GSE1: variants seen among roughly 807,000 people sequenced by gnomAD.
GSE1 encodes the protein genetic suppressor element 1.
A neutral mutation model predicts 112.6 loss-of-function variants in GSE1; 32 were observed. That is an observed-to-expected ratio of 0.28 (90% confidence interval 0.21 to 0.38). The LOEUF (loss-of-function observed/expected upper bound fraction) is 0.38. Ranked by LOEUF, GSE1 falls within the 10% of genes least tolerant of loss-of-function variation. The pLI, the probability that GSE1 is intolerant of heterozygous loss-of-function variation, is 1.00. For synonymous variants in GSE1, 1,115 were observed against 735.6 expected (o/e 1.52, Z -8.35); for missense variants, 2,348 against 1,699.2 (o/e 1.38, Z -6.71).
chr16:85,483,212 C>T (rs571209107), intron 2 of GSE1, among the ~76,000 whole-genome samples: 3 of 152,340 alleles, frequency 2.0e-5, no homozygotes, highest in African/African-American at 7.2e-5. Context: ...TACATGCAAA[C>T]ATTCTGAAAC....
At chr16:85,560,050 C>A (rs1055233285) in intron 1 of GSE1, among the ~76,000 whole-genome samples, 1 of 149,890 alleles carries the variant, frequency 6.7e-6, no homozygotes, top group Non-Finnish European at 1.5e-5. Context: ...AATAATAATT[C>A]TTATTTTGTC....
intron 1 of GSE1, among the ~76,000 whole-genome samples, chr16:85,308,301 G>A (rs1019290367): frequency 1.3e-5 from 2 of 151,980 alleles, no homozygotes; most frequent in Admixed American, 6.6e-5. Flanking sequence ...TGTGGACACC[G>A]AGTCCAGCCT....
chr16:85,658,288 C>A (rs1567742473), intron 8 of GSE1, among the ~76,000 whole-genome samples: 1 of 152,182 alleles, frequency 6.6e-6, no homozygotes, highest in African/African-American at 2.4e-5. Context: ...AGCTAAGATC[C>A]TCAGCCAGAG....
intron 2 of GSE1, among the ~76,000 whole-genome samples, chr16:85,365,675 G>A (rs1485014386): frequency 6.6e-6 from 1 of 152,176 alleles, no homozygotes; most frequent in Non-Finnish European, 1.5e-5. Context: ...TGTAGAAGGC[G>A]AAGGTTTGTA....
At chr16:85,654,627 G>T (rs975460332) in intron 4 of GSE1, among the ~76,000 whole-genome samples, 167 bp from the exon 5 acceptor site, 2 of 152,142 alleles carry the variant, frequency 1.3e-5, no homozygotes, top group South Asian at 4.1e-4. Flanking sequence ...TGAGGTGGCA[G>T]TGGCAGCTCG....
intron 1 of GSE1, among the ~76,000 whole-genome samples, chr16:85,621,282 C>A (rs1219261089): frequency 6.6e-6 from 1 of 152,216 alleles, no homozygotes; most frequent in East Asian, 1.9e-4. Flanking sequence ...TTGGGGAACC[C>A]GTTTAGATGG....
intron 2 of GSE1, among the ~76,000 whole-genome samples, chr16:85,421,500 G>C (rs976292261): frequency 1.3e-5 from 2 of 152,236 alleles, no homozygotes; most frequent in Non-Finnish European, 2.9e-5. Context: ...GCCCAAGCTG[G>C]GTCTCAAACA....
At chr16:85,536,536 C>T (rs889801681) in intron 2 of GSE1, among the ~76,000 whole-genome samples, 2 of 152,210 alleles carry the variant, frequency 1.3e-5, no homozygotes, top group African/African-American at 2.4e-5. Flanking sequence ...TCACACCTCA[C>T]GGATAACGGA....
At chr16:85,501,365 G>A (rs1298798494) in intron 2 of GSE1, among the ~76,000 whole-genome samples, 6 of 149,842 alleles carry the variant, frequency 4.0e-5, no homozygotes, top group Non-Finnish European at 7.4e-5. Context: ...TCACATACAC[G>A]GTTCTGGGAT....
chr16:85,550,861 G>A (rs1013711711), intron 2 of GSE1, among the ~76,000 whole-genome samples: 3 of 152,206 alleles, frequency 2.0e-5, no homozygotes, highest in Non-Finnish European at 4.4e-5. Flanking sequence ...GGGATCCGGC[G>A]GGCCGCATGC....
chr16:85,521,793 A>C (rs979536098), intron 2 of GSE1, among the ~76,000 whole-genome samples: 1 of 152,198 alleles, frequency 6.6e-6, no homozygotes, highest in East Asian at 1.9e-4. Context: ...TTTCTGTCTG[A>C]GTGTTCTCAC....
At chr16:85,236,500 G>C (rs967023227) in intron 1 of GSE1, among the ~76,000 whole-genome samples, 6 of 152,344 alleles carry the variant, frequency 3.9e-5, no homozygotes, top group African/African-American at 1.2e-4. Flanking sequence ...TCCCGTTGTG[G>C]GGAGAACGGC....
chr16:85,224,590 A>G (rs2075450629), intron 1 of GSE1, among the ~76,000 whole-genome samples: 1 of 151,974 alleles, frequency 6.6e-6, no homozygotes, highest in African/African-American at 2.4e-5. Flanking sequence ...TGTGCCGGGC[A>G]CTGTTCTTGG....
chr16:85,540,372 G>T (rs961483409), intron 2 of GSE1, among the ~76,000 whole-genome samples: 1 of 152,190 alleles, frequency 6.6e-6, no homozygotes, highest in African/African-American at 2.4e-5. Context: ...CACTCACACG[G>T]AATAGGTAGT....
At chr16:85,280,175 G>A (rs1372504345) in intron 1 of GSE1, among the ~76,000 whole-genome samples, 1 of 152,182 alleles carries the variant, frequency 6.6e-6, no homozygotes. Context: ...CCAGCAGGCG[G>A]TGCTTAAGAT....
chr16:85,267,760 C>A (rs934603188), intron 1 of GSE1, among the ~76,000 whole-genome samples: 2 of 152,184 alleles, frequency 1.3e-5, no homozygotes, highest in African/African-American at 4.8e-5. Context: ...CCACTGCAGG[C>A]AAACCCTCCT....
intron 2 of GSE1, among the ~76,000 whole-genome samples, chr16:85,647,138 C>T (rs1050376992): frequency 6.6e-6 from 1 of 152,216 alleles, no homozygotes; most frequent in African/African-American, 2.4e-5. Context: ...GGTCCAAACC[C>T]CTGCCGCACC....
At chr16:85,401,593 A>T (rs1372129321) in intron 2 of GSE1, among the ~76,000 whole-genome samples, 1 of 152,162 alleles carries the variant, frequency 6.6e-6, no homozygotes, top group Non-Finnish European at 1.5e-5. Context: ...GGGGCGGCCC[A>T]TCCAGGTGAG....
chr16:85,438,517 A>T (rs1232635361), intron 2 of GSE1, among the ~76,000 whole-genome samples: 2 of 152,100 alleles, frequency 1.3e-5, no homozygotes, highest in African/African-American at 4.8e-5. Context: ...GACAATCTAG[A>T]AGGTAGGTGC....
Sources: allele counts gnomAD v4.1 joint callset (sites outside exome capture counted in the v4.1 genomes callset), GRCh38; gene constraint gnomAD v4.1.1; transcripts MANE v1.5; gene names NCBI Gene and HGNC (gene_info 2026-07-23, HGNC 2026-07-21).